The following CAMK1D variants were observed in gnomAD, a reference collection of about 807,000 sequenced individuals.
The protein encoded by CAMK1D is calcium/calmodulin dependent protein kinase ID.
CAMK1D carries 9 observed loss-of-function variants against 47.7 expected under a neutral mutation model. The ratio of observed to expected loss-of-function variants is 0.19; its 90% CI spans 0.11 to 0.33. The LOEUF is 0.33. Among genes scored for constraint, CAMK1D ranks in the 10% least tolerant of loss-of-function variants. The pLI is 1.00. For missense variants in CAMK1D, 291 were observed against 488.7 expected (o/e 0.60, Z 3.81); for synonymous variants, 184 against 184.9 (o/e 0.99, Z 0.04).
At chr10:12,454,418 T>C (rs1022695322) in intron 1 of CAMK1D, among the ~76,000 whole-genome samples, 2 of 152,206 alleles carry the variant, frequency 1.3e-5, no homozygotes, top group South Asian at 4.1e-4. Flanking sequence ...TGCCTCGTCC[T>C]CCCAAAGTGC....
At chr10:12,417,998 C>T (rs1839912349) in intron 1 of CAMK1D, among the ~76,000 whole-genome samples, 1 of 152,158 alleles carries the variant, frequency 6.6e-6, no homozygotes, top group Non-Finnish European at 1.5e-5. Context: ...GACGAGGTTT[C>T]ACTATGTTGG....
chr10:12,679,207 A>G (rs1373678073), intron 3 of CAMK1D, among the ~76,000 whole-genome samples: 2 of 152,248 alleles, frequency 1.3e-5, no homozygotes, highest in African/African-American at 4.8e-5. Flanking sequence ...CATACATTAT[A>G]TGAACAATTG....
chr10:12,734,322 CAAAAAAAAAAAAA>C (rs1201573872), intron 3 of CAMK1D, among the ~76,000 whole-genome samples: 11 of 23,580 alleles, frequency 4.7e-4, no homozygotes, highest in African/African-American at 2.4e-3. Context: ...GACTCCATCT[CAAAAAAAAAAAAA>C]AAAAAAAAAA....
intron 1 of CAMK1D, among the ~76,000 whole-genome samples, chr10:12,499,069 CTTT>C (rs35158100): frequency 1.5e-4 from 18 of 123,074 alleles, no homozygotes; most frequent in Non-Finnish European, 1.7e-4. Flanking sequence ...TAAATTACAG[CTTT>C]TTTTTTTTTT....
chr10:12,672,691 T>C (rs1292675828), intron 3 of CAMK1D, among the ~76,000 whole-genome samples: 1 of 151,988 alleles, frequency 6.6e-6, no homozygotes, highest in African/African-American at 2.4e-5. Flanking sequence ...CCTAGGTATA[T>C]TTCATGATCA....
intron 2 of CAMK1D, among the ~76,000 whole-genome samples, chr10:12,566,297 C>T (rs1370043211): frequency 6.6e-6 from 1 of 152,108 alleles, no homozygotes; most frequent in Non-Finnish European, 1.5e-5. Flanking sequence ...CTAAGGCTCC[C>T]TGTTGAAGCC....
intron 2 of CAMK1D, among the ~76,000 whole-genome samples, chr10:12,565,363 C>T (rs1157839516): frequency 1.3e-5 from 2 of 152,188 alleles, no homozygotes; most frequent in Admixed American, 6.5e-5. Context: ...AATTGATTCT[C>T]CTGCCTCAGC....
intron 4 of CAMK1D, among the ~76,000 whole-genome samples, chr10:12,766,473 T>C (rs1300102333): frequency 6.6e-6 from 1 of 150,472 alleles, no homozygotes; most frequent in African/African-American, 2.5e-5. Context: ...ATATTGGACA[T>C]GCCTGACCCC....
At chr10:12,358,452 G>A (rs1027153432) in intron 1 of CAMK1D, among the ~76,000 whole-genome samples, 8 of 152,292 alleles carry the variant, frequency 5.3e-5, no homozygotes, top group East Asian at 1.9e-4. Flanking sequence ...AGAAACGCTT[G>A]AGCCTGGGAG....
chr10:12,510,755 C>T (rs1298490854), intron 1 of CAMK1D, among the ~76,000 whole-genome samples: 1 of 152,142 alleles, frequency 6.6e-6, no homozygotes, highest in Non-Finnish European at 1.5e-5. Flanking sequence ...GTGGTGGGGA[C>T]ACAAATGTAC....
At chr10:12,677,324 C>T (rs950427114) in intron 3 of CAMK1D, among the ~76,000 whole-genome samples, 5 of 152,116 alleles carry the variant, frequency 3.3e-5, no homozygotes, top group African/African-American at 1.2e-4. Flanking sequence ...GAATATGACA[C>T]CTTAATATAT....
intron 5 of CAMK1D, among the ~76,000 whole-genome samples, chr10:12,788,390 T>C (rs1349920375): frequency 6.6e-6 from 1 of 152,200 alleles, no homozygotes; most frequent in Non-Finnish European, 1.5e-5. Context: ...GCCTGGCTGC[T>C]GCGCCATCTC....
intron 5 of CAMK1D, among the ~76,000 whole-genome samples, chr10:12,770,521 A>G (rs1424231144): frequency 6.6e-6 from 1 of 152,214 alleles, no homozygotes; most frequent in Non-Finnish European, 1.5e-5. Flanking sequence ...AGTTGCTACT[A>G]TGTACCTGAT....
chr10:12,476,860 C>T (rs1388461499), intron 1 of CAMK1D, among the ~76,000 whole-genome samples: 3 of 152,182 alleles, frequency 2.0e-5, no homozygotes, highest in Non-Finnish European at 2.9e-5. Flanking sequence ...AAACCCAGCT[C>T]TCCGTTCTGT....
chr10:12,542,788 G>T (rs1836238300), intron 1 of CAMK1D, among the ~76,000 whole-genome samples: 1 of 152,200 alleles, frequency 6.6e-6, no homozygotes, highest in Non-Finnish European at 1.5e-5. Context: ...TGTCGCCCAG[G>T]CTGGAGTGCA....
chr10:12,532,914 A>G (rs540000016), intron 1 of CAMK1D, among the ~76,000 whole-genome samples: 2 of 130,098 alleles, frequency 1.5e-5, no homozygotes, highest in South Asian at 5.3e-4. Flanking sequence ...TCACGGAGAT[A>G]GAGAGTAGAA....
intron 3 of CAMK1D, among the ~76,000 whole-genome samples, chr10:12,692,510 G>A (rs1350528455): frequency 1.3e-5 from 2 of 152,066 alleles, no homozygotes; most frequent in East Asian, 3.8e-4. Context: ...ATGTCATAAC[G>A]TTGTTTATTA....
chr10:12,359,312 C>A (rs1211250439), intron 1 of CAMK1D, among the ~76,000 whole-genome samples: 1 of 152,190 alleles, frequency 6.6e-6, no homozygotes, highest in Non-Finnish European at 1.5e-5. Context: ...CGCTCTCTAT[C>A]ATTTATCCCT....
chr10:12,404,594 C>G (rs572740421), intron 1 of CAMK1D, among the ~76,000 whole-genome samples: 1 of 152,196 alleles, frequency 6.6e-6, no homozygotes, highest in South Asian at 2.1e-4. Context: ...TTGAGTTATT[C>G]TTGGTATGAA....
Sources: gnomAD v4.1 joint callset for allele counts (sites outside exome capture counted in the v4.1 genomes callset) on GRCh38, gnomAD v4.1.1 for gene constraint, MANE v1.5 for transcripts, NCBI Gene and HGNC (gene_info 2026-07-23, HGNC 2026-07-21) for gene names.